Variants in SYT1 observed in about 807,000 individuals in gnomAD.
The protein encoded by SYT1 is synaptotagmin 1, also known as synaptotagmin-1.
In SYT1, 8 loss-of-function variants were observed where a neutral mutation model predicts 44.8. The ratio of observed to expected loss-of-function variants is 0.18; its 90% CI spans 0.10 to 0.32. The LOEUF is 0.32. Ranked by LOEUF, SYT1 falls within the 10% of genes least tolerant of loss-of-function variation. The pLI is 1.00. For missense variants in SYT1, 286 were observed against 509.3 expected (o/e 0.56, Z 4.22); for synonymous variants, 154 against 188.8 (o/e 0.82, Z 1.51).
chr12:78,934,324 C>T (rs925129860), intron 1 of SYT1, among the ~76,000 whole-genome samples: 11 of 151,854 alleles, frequency 7.2e-5, no homozygotes, highest in African/African-American at 2.7e-4. Flanking sequence ...AGTTCAAGAC[C>T]AGCCTGGGCA....
At chr12:78,875,120 C>T (rs1192035539) in intron 1 of SYT1, among the ~76,000 whole-genome samples, 11 of 151,414 alleles carry the variant, frequency 7.3e-5, no homozygotes, top group Non-Finnish European at 1.3e-4. Context: ...AAGTTTTAAC[C>T]TACATATGCT....
At chr12:79,419,225 A>C in intron 9 of SYT1, 1 of 517,232 alleles carries the variant, frequency 1.9e-6, no homozygotes, top group South Asian at 1.5e-5. Context: ...AGTTGTTGAG[A>C]AATTGGTAAG....
chr12:78,933,416 A>T (rs1877863612), intron 1 of SYT1, among the ~76,000 whole-genome samples: 1 of 152,160 alleles, frequency 6.6e-6, no homozygotes, highest in Admixed American at 6.5e-5. Context: ...ATATATTATC[A>T]ATATAAGAGT....
intron 8 of SYT1, among the ~76,000 whole-genome samples, chr12:79,304,013 C>T (rs1028270237): frequency 6.6e-6 from 1 of 152,162 alleles, no homozygotes; most frequent in Admixed American, 6.5e-5. Flanking sequence ...AAGAACCTTC[C>T]TGGTCATTCA....
chr12:79,078,852 A>G (rs1247746291), intron 3 of SYT1, among the ~76,000 whole-genome samples: 1 of 152,210 alleles, frequency 6.6e-6, no homozygotes, highest in Non-Finnish European at 1.5e-5. Flanking sequence ...AGAAGGTTTT[A>G]TACATACTGT....
intron 3 of SYT1, among the ~76,000 whole-genome samples, chr12:79,118,816 G>A (rs867940151): frequency 1.3e-5 from 2 of 152,222 alleles, no homozygotes; most frequent in African/African-American, 4.8e-5. Flanking sequence ...ATTTACCTGG[G>A]TGATCTCATC....
At chr12:79,278,028 A>G (rs1878831993) in intron 4 of SYT1, among the ~76,000 whole-genome samples, 1 of 152,076 alleles carries the variant, frequency 6.6e-6, no homozygotes, top group African/African-American at 2.4e-5. Flanking sequence ...ATACTACCAG[A>G]CCTAAGAAAA....
At chr12:79,339,165 A>G (rs890967347) in intron 8 of SYT1, among the ~76,000 whole-genome samples, 7 of 152,264 alleles carry the variant, frequency 4.6e-5, no homozygotes, top group African/African-American at 1.7e-4. Flanking sequence ...ATGATTTATA[A>G]TCCTTTGGGT....
chr12:79,248,766 A>G (rs925974103), intron 4 of SYT1, among the ~76,000 whole-genome samples: 2 of 152,230 alleles, frequency 1.3e-5, no homozygotes, highest in African/African-American at 4.8e-5. Context: ...CTGGGCCAAA[A>G]GTTTAAGTCA....
chr12:78,961,927 A>G (rs911047202), intron 1 of SYT1, among the ~76,000 whole-genome samples: 2 of 152,206 alleles, frequency 1.3e-5, no homozygotes, highest in Non-Finnish European at 2.9e-5. Flanking sequence ...CCAATCAAAG[A>G]TAAAAGGTAA....
intron 9 of SYT1, among the ~76,000 whole-genome samples, chr12:79,418,405 G>T (rs550352460): frequency 2.0e-5 from 3 of 152,236 alleles, no homozygotes; most frequent in Admixed American, 1.3e-4. Context: ...ATGGGGTTTT[G>T]GTTAGGGGGA....
chr12:79,026,296 T>G (rs1450057320), intron 2 of SYT1, among the ~76,000 whole-genome samples: 2 of 151,540 alleles, frequency 1.3e-5, no homozygotes, highest in Non-Finnish European at 3.0e-5. Flanking sequence ...CAGTTATTAT[T>G]GCTTCTTGAT....
intron 1 of SYT1, among the ~76,000 whole-genome samples, chr12:78,909,537 A>G (rs1242687493): frequency 6.6e-6 from 1 of 151,900 alleles, no homozygotes. Context: ...GAGAATTGTT[A>G]TAGAAACCAT....
intron 3 of SYT1, among the ~76,000 whole-genome samples, chr12:79,206,815 T>C (rs115620600): frequency 1.5e-4 from 23 of 152,344 alleles, no homozygotes; most frequent in African/African-American, 5.5e-4. Flanking sequence ...AAGGTGCAGA[T>C]ACTTAGATCA....
intron 3 of SYT1, among the ~76,000 whole-genome samples, chr12:79,213,017 C>A (rs1409844986): frequency 6.6e-6 from 1 of 152,114 alleles, no homozygotes; most frequent in African/African-American, 2.4e-5. Flanking sequence ...GTATTAGCCC[C>A]TTTTGGTGTT....
rs533112964 is a variant in SYT1 at position 78,901,115 on chromosome 12, GCTTCTCTAAC to G, written c.-217+36008_-217+36017del. Among the ~76,000 whole-genome samples the G allele has an allele frequency of 4.7e-3, 714 of 151,988 alleles. 5 individuals are homozygous for G. Among genetic ancestry groups the G allele is most frequent in the African/African-American group, 0.016 (679 of 41,472 alleles). ...CTGTTTGATTTTATATTAATCCATT[GCTTCTCTAAC>G]CAGAAAGAATAGTAGTGAACAATAT... On this transcript the variant is annotated intron_variant, in intron 1 of 10. Transcript: ENST00000261205.
At chr12:79,387,933 G>A (rs762406034) in intron 9 of SYT1, among the ~76,000 whole-genome samples, 2 of 152,090 alleles carry the variant, frequency 1.3e-5, no homozygotes, top group Non-Finnish European at 2.9e-5. Context: ...GAGTTAGAAT[G>A]GTTTGATCAA....
At chr12:78,890,103 C>G (rs1874967428) in intron 1 of SYT1, among the ~76,000 whole-genome samples, 1 of 151,692 alleles carries the variant, frequency 6.6e-6, no homozygotes, top group South Asian at 2.1e-4. Flanking sequence ...TCCACTGTCA[C>G]CTCAAAAATA....
intron 3 of SYT1, among the ~76,000 whole-genome samples, chr12:79,154,692 A>G (rs147580916): frequency 1.3e-5 from 2 of 152,298 alleles, no homozygotes; most frequent in African/African-American, 4.8e-5. Flanking sequence ...ACATAGTAAC[A>G]AACGGAGAGA....
Sources: allele counts gnomAD v4.1 joint callset (sites outside exome capture counted in the v4.1 genomes callset), GRCh38; gene constraint gnomAD v4.1.1; transcripts MANE v1.5; gene names NCBI Gene and HGNC (gene_info 2026-07-23, HGNC 2026-07-21).